TMEM178B: variants seen among roughly 807,000 people sequenced by gnomAD.
TMEM178B encodes transmembrane protein 178B.
TMEM178B carries 5 observed loss-of-function variants against 31.0 expected under a neutral mutation model. That is an observed-to-expected ratio of 0.16 (90% CI 0.08 to 0.34). The LOEUF (loss-of-function observed/expected upper bound fraction) is 0.34, where lower values mean the gene tolerates loss of function less well. Among genes scored for constraint, TMEM178B ranks in the 10% least tolerant of loss-of-function variants. TMEM178B has a pLI of 1.00. For synonymous variants in TMEM178B, 164 were observed against 164.0 expected (o/e 1.00, Z 0.00); for missense variants, 275 against 400.3 (o/e 0.69, Z 2.67).
At chr7:141,097,874 T>G (rs1794991955) in intron 1 of TMEM178B, among the ~76,000 whole-genome samples, 3 of 149,178 alleles carry the variant, frequency 2.0e-5, no homozygotes, top group Admixed American at 2.0e-4. Context: ...TCACTGCAGC[T>G]TCGACCTCCC....
chr7:141,499,711 T>A, the TMEM178B span, among the ~76,000 whole-genome samples: 1 of 152,222 alleles, frequency 6.6e-6, no homozygotes, highest in Admixed American at 6.5e-5. Flanking sequence ...CCAGGAAGGA[T>A]TGCTAATGTC....
intron 1 of TMEM178B, among the ~76,000 whole-genome samples, chr7:141,078,286 A>G (rs1354962322): frequency 1.3e-5 from 2 of 152,206 alleles, no homozygotes; most frequent in Non-Finnish European, 2.9e-5. Context: ...TTGTACTAAA[A>G]TATTATATTG....
chr7:141,248,308 G>T (rs961144829), intron 2 of TMEM178B, among the ~76,000 whole-genome samples: 1 of 152,180 alleles, frequency 6.6e-6, no homozygotes, highest in African/African-American at 2.4e-5. Context: ...CTACTCAGTA[G>T]GGTGAGGCAC....
chr7:141,393,288 T>A (rs1210066617), intron 2 of TMEM178B, among the ~76,000 whole-genome samples: 4 of 152,174 alleles, frequency 2.6e-5, no homozygotes, highest in Non-Finnish European at 5.9e-5. Context: ...GTGTATTTAC[T>A]GAGAGACAAC....
chr7:141,443,173 T>C (rs1483520348), intron 3 of TMEM178B, among the ~76,000 whole-genome samples: 1 of 152,340 alleles, frequency 6.6e-6, no homozygotes, highest in African/African-American at 2.4e-5. Context: ...ATTGAGCAGA[T>C]TGTAGACTTC....
At chr7:141,501,629 C>T in the TMEM178B span, among the ~76,000 whole-genome samples, 2 of 152,184 alleles carry the variant, frequency 1.3e-5, no homozygotes, top group Non-Finnish European at 2.9e-5. Flanking sequence ...CTCTGTAATA[C>T]AGGTGGGCCT....
chr7:141,114,167 G>A (rs186468572), intron 1 of TMEM178B, among the ~76,000 whole-genome samples: 3 of 152,352 alleles, frequency 2.0e-5, no homozygotes, highest in Admixed American at 6.5e-5. Context: ...TTTCAGCATA[G>A]CATCGTACTG....
At chr7:141,302,831 C>A (rs1798751484) in intron 2 of TMEM178B, among the ~76,000 whole-genome samples, 1 of 152,204 alleles carries the variant, frequency 6.6e-6, no homozygotes, top group African/African-American at 2.4e-5. Flanking sequence ...AGATGCCCAG[C>A]ATTACTGCAT....
chr7:141,133,502 G>A (rs1256027050), intron 1 of TMEM178B, among the ~76,000 whole-genome samples: 1 of 152,036 alleles, frequency 6.6e-6, no homozygotes, highest in African/African-American at 2.4e-5. Flanking sequence ...AAGATTTTCT[G>A]TTCATGAAGA....
chr7:141,464,285 T>C (rs1338432105), intron 3 of TMEM178B, among the ~76,000 whole-genome samples: 1 of 152,148 alleles, frequency 6.6e-6, no homozygotes, highest in Non-Finnish European at 1.5e-5. Flanking sequence ...TTGTCATCTG[T>C]ATCAGAGTAT....
At chr7:141,259,937 C>G (rs1186305691) in intron 2 of TMEM178B, among the ~76,000 whole-genome samples, 1 of 152,068 alleles carries the variant, frequency 6.6e-6, no homozygotes, top group Non-Finnish European at 1.5e-5. Context: ...TCACATTCAC[C>G]CAGGGGTGTG....
At chr7:141,242,552 T>C (rs1797642868) in intron 2 of TMEM178B, among the ~76,000 whole-genome samples, 1 of 149,696 alleles carries the variant, frequency 6.7e-6, no homozygotes, top group African/African-American at 2.5e-5. Flanking sequence ...TTTTTTTTTT[T>C]TTTTTTTGAG....
In TMEM178B at chr7:141,074,146, TC is replaced by T. The variant is rs1794553881; in HGVS notation, c.-161del. On this transcript the variant is annotated 5_prime_UTR_variant, in exon 1 of 4. Coordinates refer to ENST00000565468, the MANE Select transcript of TMEM178B (RefSeq NM_001195278.2). The surrounding 1 kb of genome is among the most constrained non-coding windows in gnomAD (Gnocchi z 5.1). ...AGGCCGCCCGCCCCCATCCCCGCAG[TC>T]CCCGGGCCGTGCTCCGGTAGGCGGG... is the stretch of plus-strand genomic sequence containing the variant. The T allele has an allele frequency of 1.3e-5, 14 of 1,057,014 alleles. No homozygotes were observed. The highest frequency in any genetic ancestry group is 2.1e-5 in the South Asian group (1 of 47,748). The allele number at this position is 1,057,014 out of a possible 1,614,324, so 65.5% of individuals were successfully genotyped here. A position where few individuals can be genotyped will look rare whatever the true frequency, so the allele number is the denominator to read the frequency against.
chr7:141,422,618 G>A lies in TMEM178B; in HGVS notation c.497-14990G>A, dbSNP rs921399251. Among the ~76,000 whole-genome samples the A allele has an allele frequency of 1.3e-5, 2 of 151,882 alleles. No homozygotes were observed. The highest frequency in any genetic ancestry group is 2.9e-5 in the Non-Finnish European group (2 of 68,002). ...ACAGCCTCTGGCCTCATTGTTTCAG[G>A]CCACAGCTAGGCACCCTCCCCTGTG... On this transcript the variant is annotated intron_variant, in intron 2 of 3. Transcript: ENST00000565468. This position sits in a 1 kb window ranked among gnomAD's most constrained non-coding sequence, Gnocchi z 4.2.
chr7:141,402,676 T>A (rs1334321082), intron 2 of TMEM178B, among the ~76,000 whole-genome samples: 1 of 152,192 alleles, frequency 6.6e-6, no homozygotes, highest in African/African-American at 2.4e-5. Context: ...CCTTGACAGA[T>A]GGACTAGAAG....
chr7:141,425,819 T>C (rs529286272), intron 2 of TMEM178B, among the ~76,000 whole-genome samples: 1 of 152,188 alleles, frequency 6.6e-6, no homozygotes, highest in Non-Finnish European at 1.5e-5. Flanking sequence ...TTTAGAGCAA[T>C]TCTCTGATCC....
intron 1 of TMEM178B, among the ~76,000 whole-genome samples, chr7:141,141,378 C>T (rs1795765382): frequency 6.6e-6 from 1 of 152,086 alleles, no homozygotes; most frequent in Admixed American, 6.5e-5. Context: ...AGCCATTTTT[C>T]CAAGGAGCCC....
intron 1 of TMEM178B, among the ~76,000 whole-genome samples, chr7:141,087,746 C>T (rs1029212585): frequency 1.3e-5 from 2 of 152,116 alleles, no homozygotes; most frequent in Non-Finnish European, 2.9e-5. Flanking sequence ...ATCATTTATT[C>T]TGAAGATTAT....
intron 2 of TMEM178B, among the ~76,000 whole-genome samples, chr7:141,266,000 T>C (rs1798089653): frequency 6.6e-6 from 1 of 152,210 alleles, no homozygotes; most frequent in South Asian, 2.1e-4. Flanking sequence ...CAGAGTCCCC[T>C]GTGAGCTTGT....
Sources: allele counts gnomAD v4.1 joint callset (sites outside exome capture counted in the v4.1 genomes callset), GRCh38; gene constraint gnomAD v4.1.1; non-coding constraint Gnocchi (gnomAD v3.1); transcripts MANE v1.5; gene names NCBI Gene and HGNC (gene_info 2026-07-23, HGNC 2026-07-21).